EXOC4: variants seen among roughly 807,000 people sequenced by gnomAD.
EXOC4 encodes the protein exocyst complex component 4.
A neutral mutation model predicts 107.2 loss-of-function variants in EXOC4; 71 were observed. The ratio of observed to expected loss-of-function variants is 0.66; its 90% CI spans 0.55 to 0.81. The LOEUF (loss-of-function observed/expected upper bound fraction) is 0.81. Ranked by LOEUF, EXOC4 falls within the 30% of genes least tolerant of loss-of-function variation. The pLI is 0.00. For missense variants in EXOC4, 1,108 were observed against 1,189.6 expected (o/e 0.93, Z 1.01); for synonymous variants, 456 against 441.2 (o/e 1.03, Z -0.42).
rs757017206 is a variant in EXOC4 at position 133,787,335 on chromosome 7, TTGTG to T, written c.1515-29939_1515-29936del. Among the ~76,000 whole-genome samples, 774 of 113,850 alleles carry T rather than the reference TTGTG, an allele frequency of 6.8e-3. 11 individuals are homozygous for T. The highest frequency in any genetic ancestry group is 0.024 in the African/African-American group (738 of 30,906). The allele number at this position is 113,850 out of a possible 152,430, so 74.7% of individuals were successfully genotyped here. On this transcript the variant is annotated intron_variant, in intron 10 of 17. Coordinates refer to ENST00000253861, the MANE Select transcript of EXOC4 (RefSeq NM_021807.4). Reference sequence around the variant, plus strand: ...GCGTGCACCACCACAATAGGCTAATTTGTGTGTGTGTGTGTGTGTGTGTGTGTGT... The same window carrying T: ...GCGTGCACCACCACAATAGGCTAATTTGTGTGTGTGTGTGTGTGTGTGTGT...
intron 9 of EXOC4, among the ~76,000 whole-genome samples, chr7:133,560,297 T>G (rs1312770337): frequency 1.3e-5 from 2 of 152,110 alleles, no homozygotes; most frequent in Non-Finnish European, 2.9e-5. Flanking sequence ...TATTTATTTA[T>G]TTTTTTAGAC....
chr7:133,994,021 G>A (rs1794323007), intron 14 of EXOC4, among the ~76,000 whole-genome samples: 1 of 152,214 alleles, frequency 6.6e-6, no homozygotes, highest in South Asian at 2.1e-4. Context: ...TCGCCAAAAA[G>A]GCAGTGTCTG....
chr7:133,952,012 C>G (rs2116795445), intron 14 of EXOC4, among the ~76,000 whole-genome samples: 1 of 152,200 alleles, frequency 6.6e-6, no homozygotes, highest in African/African-American at 2.4e-5. Flanking sequence ...AAAAATTAGC[C>G]AAGCGTGGTG....
In EXOC4 at chr7:133,898,745, C is replaced by CAAAA. The variant is rs869131471; in HGVS notation, c.1871+3031_1871+3034dup. 7.6e-4 allele frequency among the ~76,000 whole-genome samples: 49 copies of CAAAA among 64,790 alleles called. 2 individuals are homozygous for CAAAA. The East Asian group carries it at 0.016, about 22-fold the overall frequency. 42.5% of individuals were successfully genotyped at this position (64,790 alleles called of 152,430 possible). A position where few individuals can be genotyped will look rare whatever the true frequency, so the allele number is the denominator to read the frequency against. ...TGGGCGACAGAGCAAGACTCTGTCT[C>CAAAA]AAAAAAAAAAAAAAAAAAAAAAAAG... On this transcript the variant is annotated intron_variant, in intron 12 of 17. Coordinates refer to ENST00000253861, the MANE Select transcript of EXOC4 (RefSeq NM_021807.4).
intron 6 of EXOC4, among the ~76,000 whole-genome samples, chr7:133,371,558 G>T (rs905868561): frequency 6.6e-6 from 1 of 152,144 alleles, no homozygotes; most frequent in African/African-American, 2.4e-5. Context: ...GTTGTACCAT[G>T]TATCAGTACT....
At chr7:133,551,408 G>A (rs1247303122) in intron 9 of EXOC4, among the ~76,000 whole-genome samples, 2 of 151,716 alleles carry the variant, frequency 1.3e-5, no homozygotes, top group African/African-American at 4.8e-5. Flanking sequence ...GATTCATCAT[G>A]TTATTTTTCT....
intron 12 of EXOC4, among the ~76,000 whole-genome samples, chr7:133,909,484 G>A (rs141788186): frequency 1.3e-5 from 2 of 152,292 alleles, no homozygotes; most frequent in African/African-American, 4.8e-5. Flanking sequence ...GAGCACTCCA[G>A]GTGGAGAAAG....
At chr7:133,492,988 A>G (rs1359427071) in intron 9 of EXOC4, among the ~76,000 whole-genome samples, 1 of 150,650 alleles carries the variant, frequency 6.6e-6, no homozygotes, top group Non-Finnish European at 1.5e-5. Context: ...GGTCTCTGGA[A>G]TTGGGCTTAC....
chr7:133,817,017 GT>G (rs1374286688), intron 10 of EXOC4, among the ~76,000 whole-genome samples: 2 of 152,106 alleles, frequency 1.3e-5, no homozygotes, highest in Non-Finnish European at 2.9e-5. Context: ...AATAATTTGT[GT>G]TTTTTGTTTT....
At chr7:133,785,560 C>A (rs969469307) in intron 10 of EXOC4, among the ~76,000 whole-genome samples, 10 of 152,158 alleles carry the variant, frequency 6.6e-5, no homozygotes, top group African/African-American at 2.4e-4. Flanking sequence ...TACTTACTTT[C>A]TCTAAATTGC....
At chr7:133,710,659 CAGA>C (rs1562919164) in intron 10 of EXOC4, among the ~76,000 whole-genome samples, 8 of 32,302 alleles carry the variant, frequency 2.5e-4, no homozygotes, top group South Asian at 1.7e-3. Flanking sequence ...GACTCTGTCT[CAGA>C]AAAAAAAAAA....
intron 7 of EXOC4, among the ~76,000 whole-genome samples, chr7:133,404,339 G>A (rs1469803300): frequency 2.6e-5 from 4 of 152,124 alleles, no homozygotes; most frequent in East Asian, 1.9e-4. Flanking sequence ...TCCTGACCTC[G>A]TGATCCACCC....
chr7:133,307,117 T>G (rs762131872), intron 4 of EXOC4, among the ~76,000 whole-genome samples: 18 of 152,184 alleles, frequency 1.2e-4, no homozygotes, highest in Non-Finnish European at 2.6e-4. Context: ...CTGGAAGCAG[T>G]GCACGCTGGG....
At chr7:133,655,672 G>T (rs1194535789) in intron 10 of EXOC4, among the ~76,000 whole-genome samples, 2 of 152,084 alleles carry the variant, frequency 1.3e-5, no homozygotes, top group East Asian at 1.9e-4. Context: ...TCCACATCTT[G>T]TCCCACCAGA....
chr7:133,681,201 G>A (rs1794179499), intron 10 of EXOC4, among the ~76,000 whole-genome samples: 1 of 152,192 alleles, frequency 6.6e-6, no homozygotes, highest in South Asian at 2.1e-4. Context: ...AAGAAAAAAA[G>A]AATTGTTTGT....
At chr7:134,025,822 C>T (rs971517904) in intron 17 of EXOC4, among the ~76,000 whole-genome samples, 2 of 152,150 alleles carry the variant, frequency 1.3e-5, no homozygotes, top group African/African-American at 4.8e-5. Flanking sequence ...AGACCCAGGA[C>T]GAGCATAGTA....
chr7:133,545,709 T>G (rs1800467162), intron 9 of EXOC4, among the ~76,000 whole-genome samples: 1 of 152,188 alleles, frequency 6.6e-6, no homozygotes, highest in East Asian at 1.9e-4. Flanking sequence ...ATAGTTGAAT[T>G]CTGTCTGCAT....
chr7:133,262,009 C>T (rs963007361), intron 1 of EXOC4, among the ~76,000 whole-genome samples: 1 of 152,174 alleles, frequency 6.6e-6, no homozygotes, highest in East Asian at 1.9e-4. Context: ...TACTGCCCTG[C>T]AGATTCTAAC....
intron 10 of EXOC4, among the ~76,000 whole-genome samples, chr7:133,660,882 C>T (rs7776986): frequency 0.56 from 84,595 of 151,920 alleles, 24,233 homozygotes; most frequent in South Asian, 0.7. Flanking sequence ...TGATTAAGCA[C>T]TTGCTGTGTA....
Sources: gnomAD v4.1 joint callset for allele counts (sites outside exome capture counted in the v4.1 genomes callset) on GRCh38, gnomAD v4.1.1 for gene constraint, MANE v1.5 for transcripts, NCBI Gene and HGNC (gene_info 2026-07-23, HGNC 2026-07-21) for gene names.